GRID1: variants seen among roughly 807,000 people sequenced by gnomAD.
GRID1 encodes the protein glutamate receptor ionotropic, delta-1.
A neutral mutation model predicts 98.0 loss-of-function variants in GRID1; 28 were observed. The ratio of observed to expected loss-of-function variants is 0.29; its 90% CI spans 0.21 to 0.39. The LOEUF is 0.39. Among genes scored for constraint, GRID1 ranks in the 10% least tolerant of loss-of-function variants. The pLI is 1.00. For synonymous variants in GRID1, 553 were observed against 538.5 expected (o/e 1.03, Z -0.37); for missense variants, 1,111 against 1,340.5 (o/e 0.83, Z 2.67).
At position 85,613,782 on chromosome 10, in the gene GRID1, C is replaced by T. The variant is rs1842759843; in HGVS notation, c.2361-135G>A. ...ATCCTAGCAGCTTTCTGCCTTAGCT[C>T]TTCTCTTCCCAGTCTACTCTCCACA... On this transcript the variant is annotated intron_variant, in intron 14 of 15. Transcript: ENST00000327946. 5 of 1,037,492 alleles carry T rather than the reference C, an allele frequency of 4.8e-6. No individual in the cohort carries two copies. The South Asian group carries it at 6.2e-5, about 13-fold the overall frequency. 64.3% of individuals were successfully genotyped at this position (1,037,492 alleles called of 1,614,324 possible).
At chr10:86,320,235 C>T (rs1226807903) in intron 2 of GRID1, among the ~76,000 whole-genome samples, 1 of 152,200 alleles carries the variant, frequency 6.6e-6, no homozygotes, top group East Asian at 1.9e-4. Flanking sequence ...GCAGAGTCTC[C>T]AGGAAGAATC....
intron 8 of GRID1, among the ~76,000 whole-genome samples, chr10:85,805,919 A>G (rs1842619399): frequency 6.6e-6 from 1 of 151,854 alleles, no homozygotes; most frequent in Admixed American, 6.6e-5. Flanking sequence ...TTTGGGATGG[A>G]CAAAGTTTTT....
At chr10:86,026,283 T>C (rs1843116193) in intron 4 of GRID1, among the ~76,000 whole-genome samples, 1 of 152,224 alleles carries the variant, frequency 6.6e-6, no homozygotes, top group Non-Finnish European at 1.5e-5. Context: ...CACGCATACA[T>C]ATTGCTCTTA....
chr10:86,094,097 C>G (rs997215920), intron 4 of GRID1, among the ~76,000 whole-genome samples: 1 of 152,164 alleles, frequency 6.6e-6, no homozygotes. Flanking sequence ...ATAAAAATCA[C>G]ACAATCATCT....
chr10:85,921,862 T>G (rs1841709240), intron 4 of GRID1, among the ~76,000 whole-genome samples: 1 of 152,180 alleles, frequency 6.6e-6, no homozygotes, highest in Non-Finnish European at 1.5e-5. Context: ...GACGAGAGCT[T>G]GCTTTTATTA....
At chr10:86,196,245 C>T (rs942457120) in intron 3 of GRID1, among the ~76,000 whole-genome samples, 6 of 152,050 alleles carry the variant, frequency 3.9e-5, no homozygotes, top group African/African-American at 1.4e-4. Context: ...CCACTGCTTC[C>T]CGGGACAGAG....
chr10:85,990,016 C>T (rs1842660776), intron 4 of GRID1, among the ~76,000 whole-genome samples: 1 of 152,310 alleles, frequency 6.6e-6, no homozygotes, highest in South Asian at 2.1e-4. Flanking sequence ...AGCAAGCCCT[C>T]ACCAGATTCT....
intron 8 of GRID1, among the ~76,000 whole-genome samples, chr10:85,807,900 A>C (rs1842637433): frequency 1.3e-5 from 2 of 152,210 alleles, no homozygotes; most frequent in African/African-American, 2.4e-5. Flanking sequence ...CTTGTACATC[A>C]GTAATATAAA....
At chr10:86,182,276 G>T (rs1182187599) in intron 3 of GRID1, among the ~76,000 whole-genome samples, 2 of 152,198 alleles carry the variant, frequency 1.3e-5, no homozygotes, top group Non-Finnish European at 2.9e-5. Context: ...CCTCTCTCCC[G>T]GCCCCAAGCA....
At chr10:86,037,357 C>T (rs751173819) in intron 4 of GRID1, among the ~76,000 whole-genome samples, 14 of 152,270 alleles carry the variant, frequency 9.2e-5, no homozygotes, top group African/African-American at 3.4e-4. Flanking sequence ...ATCCTCACTG[C>T]CATCTAGCAG....
intron 2 of GRID1, among the ~76,000 whole-genome samples, chr10:86,262,138 AGGAGGAAGCAGGG>A (rs1847025986): frequency 6.6e-6 from 1 of 152,222 alleles, no homozygotes; most frequent in Admixed American, 6.5e-5. Context: ...TTCTAGAAGG[AGGAGGAAGCAGGG>A]GAAGAAAGGC....
At chr10:86,100,983 T>C (rs145469680) in intron 4 of GRID1, among the ~76,000 whole-genome samples, 1 of 152,276 alleles carries the variant, frequency 6.6e-6, no homozygotes, top group East Asian at 1.9e-4. Context: ...CACCATTAAA[T>C]GGTCACTGGT....
intron 8 of GRID1, among the ~76,000 whole-genome samples, chr10:85,766,698 AATTATT>A (rs1235958761): frequency 2.0e-5 from 3 of 148,374 alleles, no homozygotes; most frequent in Non-Finnish European, 4.5e-5. Flanking sequence ...ACAGGGGAGA[AATTATT>A]ATGGAACTGT....
In GRID1 at chr10:85,928,189, G is replaced by C. The variant is rs372572409; in HGVS notation, c.727-11950C>G. ...TAACAGTTTGGGAGAGACCAGGTGT[G>C]GTGGCTCACACCTGTGATCCAGCTG... On this transcript the variant is annotated intron_variant, in intron 4 of 15. Transcript: ENST00000327946. Among the ~76,000 whole-genome samples, 512 of 152,290 alleles carry C rather than the reference G, an allele frequency of 3.4e-3. 6 individuals are homozygous for C. The highest frequency in any genetic ancestry group is 0.012 in the African/African-American group (497 of 41,550).
chr10:85,735,652 G>A (rs1020396994), intron 8 of GRID1, among the ~76,000 whole-genome samples: 3 of 152,056 alleles, frequency 2.0e-5, no homozygotes, highest in Non-Finnish European at 4.4e-5. Flanking sequence ...TAGTTATAAA[G>A]GTGTCTTAAA....
At chr10:86,281,924 C>T (rs1847363149) in intron 2 of GRID1, among the ~76,000 whole-genome samples, 1 of 152,180 alleles carries the variant, frequency 6.6e-6, no homozygotes, top group Non-Finnish European at 1.5e-5. Flanking sequence ...GAGGGGGCCT[C>T]CTGCCTTCTG....
At position 85,601,190 on chromosome 10, in the gene GRID1, C is replaced by G. The variant is rs895194326; in HGVS notation, c.*1083G>C. ...TCACCTGGAGTACTGGTCCACCCACCTGGGCACCTCCCCCAACTCTTACTA... is the reference window on the plus strand; with the variant it reads ...TCACCTGGAGTACTGGTCCACCCACGTGGGCACCTCCCCCAACTCTTACTA... On this transcript the variant is annotated 3_prime_UTR_variant, in exon 16 of 16. Coordinates refer to ENST00000327946, the MANE Select transcript of GRID1 (RefSeq NM_017551.3). 1 of 152,356 alleles carries G rather than the reference C, an allele frequency of 6.6e-6. No homozygotes were observed. The highest frequency in any genetic ancestry group is 2.1e-4 in the South Asian group (1 of 4,834). 9.4% of individuals were successfully genotyped at this position (152,356 alleles called of 1,614,324 possible). A position where few individuals can be genotyped will look rare whatever the true frequency, so the allele number is the denominator to read the frequency against.
At chr10:86,097,483 C>A (rs181440380) in intron 4 of GRID1, among the ~76,000 whole-genome samples, 1 of 152,318 alleles carries the variant, frequency 6.6e-6, no homozygotes. Context: ...TACCACCTAT[C>A]TATCCATCTG....
At chr10:85,982,473 T>C (rs1380603789) in intron 4 of GRID1, among the ~76,000 whole-genome samples, 1 of 152,104 alleles carries the variant, frequency 6.6e-6, no homozygotes, top group Non-Finnish European at 1.5e-5. Flanking sequence ...AGTGCAACCA[T>C]CCCGAGGACG....
Sources: gnomAD v4.1 joint callset for allele counts (sites outside exome capture counted in the v4.1 genomes callset) on GRCh38, gnomAD v4.1.1 for gene constraint, MANE v1.5 for transcripts, NCBI Gene and HGNC (gene_info 2026-07-23, HGNC 2026-07-21) for gene names.